Variants in LEPR observed in about 807,000 individuals in gnomAD.
The protein encoded by LEPR is leptin receptor, also known as OB receptor.
LEPR carries 56 observed loss-of-function variants against 114.7 expected under a neutral mutation model. The ratio of observed to expected loss-of-function variants is 0.49; its 90% confidence interval spans 0.39 to 0.61. LEPR has a LOEUF of 0.61. Ranked by LOEUF, LEPR falls within the 20% of genes least tolerant of loss-of-function variation. The pLI, the probability that LEPR is intolerant of heterozygous loss-of-function variation, is 0.00. For synonymous variants in LEPR, 443 were observed against 461.4 expected, an observed-to-expected ratio of 0.96 and a Z score of 0.51; for missense variants, 1,202 against 1,352.9, an observed-to-expected ratio of 0.89 and a Z score of 1.75.
At chr1:65,434,815 A>G in intron 2 of LEPR, 1 of 985,512 alleles carries the variant, frequency 1.0e-6, no homozygotes, top group Non-Finnish European at 1.2e-6. Flanking sequence ...GGTTCTTCAT[A>G]TTCCAGAGTC....
chr1:65,519,029 CTTCTT>C (rs1266223160), intron 2 of LEPR, among the ~76,000 whole-genome samples: 3 of 139,884 alleles, frequency 2.1e-5, no homozygotes, highest in South Asian at 2.3e-4. Context: ...CTTTCTCTTT[CTTCTT>C]TTCTTTTCTT....
chr1:65,506,512 G>A (rs1375109350), intron 2 of LEPR, among the ~76,000 whole-genome samples: 2 of 152,194 alleles, frequency 1.3e-5, no homozygotes, highest in East Asian at 3.8e-4. Context: ...TGGATGCAGT[G>A]TGACAGTGAC....
Position 65,596,445 on chromosome 1 carries a change from A to C in LEPR, c.704-3A>C, listed in dbSNP as rs1403106070. The C allele has an allele frequency of 3.1e-6, 5 of 1,611,882 alleles. No homozygotes were observed. The highest frequency in any genetic ancestry group is 1.3e-5 in the African/African-American group (1 of 74,768). On this transcript the variant is annotated splice_region_variant and splice_polypyrimidine_tract_variant and intron_variant, in intron 6 of 19. Transcript: ENST00000349533. ...TAAAAGTATTCTCTTTTTTTTCCTT[A>C]AGTGAAGCCTGATCCACCATTAGGT...
At chr1:65,591,071 CCTT>C (rs1235021044) in intron 5 of LEPR, among the ~76,000 whole-genome samples, 1 of 151,908 alleles carries the variant, frequency 6.6e-6, no homozygotes, top group Non-Finnish European at 1.5e-5. Context: ...CTTAAAAAAT[CCTT>C]CTAATTTTTT....
intron 2 of LEPR, among the ~76,000 whole-genome samples, chr1:65,431,001 G>A (rs1414261441): frequency 6.6e-6 from 1 of 152,138 alleles, no homozygotes; most frequent in Non-Finnish European, 1.5e-5. Flanking sequence ...ATCCAGTGTG[G>A]TAGAGCTAAA....
rs1405234742 is a variant in LEPR, at chr1:65,538,304, C to G, written c.-20-27242C>G. Among the ~76,000 whole-genome samples, 22 of 151,540 alleles carry G rather than the reference C, an allele frequency of 1.5e-4. 1 individual carries two copies. The stretch of plus-strand genomic sequence containing the variant: ...CTGGCTTCAGGATTATATTATGTGT[C>G]AGGTTGCCTTCCATCTCCACCTTCC... On this transcript the variant is annotated intron_variant, in intron 2 of 19. Coordinates refer to ENST00000349533, the MANE Select transcript of LEPR (RefSeq NM_002303.6).
At position 65,570,756 on chromosome 1, in the gene LEPR, A is replaced by G. The variant is rs756385610; in HGVS notation, c.324A>G (p.Gly108=). ...NCSLCADNIE[G]KTFVSTVNSL... The stretch of plus-strand genomic sequence containing the variant: ...CCTTATGTGCAGACAACATTGAAGG[A>G]AAGACATTTGTTTCAACAGTAAATT... The change falls in exon 4 of 20, where the codon GGA becomes GGG. Residue 108 remains glycine, a synonymous_variant. Transcript: ENST00000349533. The G allele has an allele frequency of 6.3e-7, 1 of 1,583,820 alleles. No individual in the cohort carries two copies. The highest frequency in any genetic ancestry group is 8.6e-7 in the Non-Finnish European group (1 of 1,163,606).
At chr1:65,421,567 A>G in intron 1 of LEPR, 1 of 1,276,726 alleles carries the variant, frequency 7.8e-7, no homozygotes, top group Non-Finnish European at 1.1e-6. Context: ...TCCCCAGTTA[A>G]CATCTGCTAT....
In LEPR at chr1:65,639,588, AT is replaced by A. The variant is rs1658807944; in HGVS notation, c.*2574del. On this transcript the variant is annotated 3_prime_UTR_variant, in exon 20 of 20. Transcript: ENST00000349533. ...CTTCCCATTTCTTCCCACAGCTTCTATAAAAAAAATTTAAAAGGAAGGAGGA... is the reference window on the plus strand; with the variant it reads ...CTTCCCATTTCTTCCCACAGCTTCTAAAAAAAAATTTAAAAGGAAGGAGGA... 6.6e-6 allele frequency: 1 copy of A among 152,226 alleles called. No individual in the cohort carries two copies. Among genetic ancestry groups the A allele is most frequent in the Admixed American group, 6.5e-5 (1 of 15,288 alleles). 9.4% of individuals were successfully genotyped at this position (152,226 alleles called of 1,614,324 possible).
intron 2 of LEPR, among the ~76,000 whole-genome samples, chr1:65,475,993 G>A (rs1039342951): frequency 1.3e-5 from 2 of 151,128 alleles, no homozygotes; most frequent in African/African-American, 4.9e-5. Context: ...CTCCAGCCTG[G>A]GTGACAGAAC....
chr1:65,430,982 TAAA>T (rs1469790039), intron 2 of LEPR, among the ~76,000 whole-genome samples: 1 of 152,126 alleles, frequency 6.6e-6, no homozygotes, highest in East Asian at 1.9e-4. Flanking sequence ...GTATATAGAA[TAAA>T]GAAGAATCCA....
At chr1:65,505,644 C>A (rs917327661) in intron 2 of LEPR, among the ~76,000 whole-genome samples, 3 of 152,180 alleles carry the variant, frequency 2.0e-5, no homozygotes, top group Non-Finnish European at 2.9e-5. Flanking sequence ...GCTCCCACCC[C>A]CTCTGGCTCA....
intron 14 of LEPR, among the ~76,000 whole-genome samples, chr1:65,613,051 C>G (rs1346527204): frequency 1.3e-5 from 2 of 152,220 alleles, no homozygotes; most frequent in East Asian, 3.9e-4. Flanking sequence ...AGGTAGAGGA[C>G]CTACATATAT....
At chr1:65,438,696 AT>A (rs1646601390) in intron 2 of LEPR, among the ~76,000 whole-genome samples, 2 of 151,834 alleles carry the variant, frequency 1.3e-5, no homozygotes, top group African/African-American at 4.8e-5. Context: ...TGTCAGGAAA[AT>A]TTTCTTTTTC....
intron 2 of LEPR, among the ~76,000 whole-genome samples, chr1:65,446,089 A>G (rs993378492): frequency 6.6e-6 from 1 of 152,240 alleles, no homozygotes; most frequent in African/African-American, 2.4e-5. Flanking sequence ...TTTATCTGAT[A>G]TACCAATGAG....
chr1:65,493,514 T>C (rs1647986788), intron 2 of LEPR, among the ~76,000 whole-genome samples: 1 of 152,122 alleles, frequency 6.6e-6, no homozygotes, highest in Non-Finnish European at 1.5e-5. Context: ...CAATTATCTT[T>C]ATAGATATTT....
chr1:65,589,231 CTG>C (rs1166735598), intron 5 of LEPR, among the ~76,000 whole-genome samples: 1 of 151,990 alleles, frequency 6.6e-6, no homozygotes. Flanking sequence ...GGTGAAGTGA[CTG>C]TGTAACATTT....
intron 5 of LEPR, among the ~76,000 whole-genome samples, chr1:65,581,171 G>A (rs1654955563): frequency 1.3e-5 from 2 of 152,124 alleles, no homozygotes; most frequent in African/African-American, 4.8e-5. Context: ...TCATGGACAT[G>A]CTCGAGACTT....
chr1:65,439,999 T>C (rs1331512342), intron 2 of LEPR, among the ~76,000 whole-genome samples: 6 of 19,712 alleles, frequency 3.0e-4, no homozygotes, highest in Non-Finnish European at 7.6e-4. Context: ...AGATTCTGTC[T>C]CAAAAAAAAA....
Sources: allele counts gnomAD v4.1 joint callset (sites outside exome capture counted in the v4.1 genomes callset), GRCh38; gene constraint gnomAD v4.1.1; transcripts MANE v1.5; gene names NCBI Gene and HGNC (gene_info 2026-07-23, HGNC 2026-07-21).